Variants in SLC24A4 observed in about 807,000 individuals in gnomAD.
The protein encoded by SLC24A4 is solute carrier family 24 member 4, also known as sodium/potassium/calcium exchanger 4.
Under a neutral mutation model 79.0 loss-of-function variants are expected in SLC24A4, and 53 were observed. That is an observed-to-expected ratio of 0.67 (90% CI 0.54 to 0.84). The LOEUF (loss-of-function observed/expected upper bound fraction) is 0.84, where lower values mean the gene tolerates loss of function less well. Among genes scored for constraint, SLC24A4 ranks in the 40% least tolerant of loss-of-function variants. The pLI is 0.00. For synonymous variants in SLC24A4, 323 were observed against 323.8 expected (o/e 1.00, Z 0.03); for missense variants, 731 against 822.0 (o/e 0.89, Z 1.35).
At chr14:92,429,148 C>T (rs1310986667) in intron 2 of SLC24A4, among the ~76,000 whole-genome samples, 2 of 152,082 alleles carry the variant, frequency 1.3e-5, no homozygotes, top group African/African-American at 4.8e-5. Flanking sequence ...CCACGTGTCT[C>T]GGTGCATTCA....
rs140536494 is a variant in SLC24A4 at position 92,442,799 on chromosome 14, G to T, written c.565G>T (p.Gly189Ter). The change falls in exon 6 of 17, where the codon GGA becomes TGA. Residue 189 changes from glycine (G) to a stop codon, truncating the protein, a stop_gained. Coordinates refer to ENST00000532405, the MANE Select transcript of SLC24A4 (RefSeq NM_153646.4). LOFTEE classifies it high-confidence loss of function. ...CATCCTGTGCATAATTGGAGTGTGCGGACTGTTTGCTGGCCAGGTCAGTGG... is the reference window on the plus strand; with the variant it reads ...CATCCTGTGCATAATTGGAGTGTGCTGACTGTTTGCTGGCCAGGTCAGTGG... Reference protein sequence around the residue: ...FNILCIIGVCGLFAGQVVRLT... With the variant: ...FNILCIIGVC 1.6e-5 allele frequency: 26 copies of T among 1,614,054 alleles called. No individual in the cohort carries two copies. The highest frequency in any genetic ancestry group is 2.1e-5 in the Non-Finnish European group (25 of 1,179,918).
chr14:92,418,977 C>T (rs781420458), intron 2 of SLC24A4, among the ~76,000 whole-genome samples: 13 of 152,198 alleles, frequency 8.5e-5, no homozygotes, highest in Non-Finnish European at 1.9e-4. Flanking sequence ...GCTGGGATTA[C>T]AGGCATGAGC....
chr14:92,442,995 T>C (rs1253925842), intron 6 of SLC24A4, among the ~76,000 whole-genome samples, 179 bp downstream of exon 6: 1 of 152,192 alleles, frequency 6.6e-6, no homozygotes, highest in African/African-American at 2.4e-5. Flanking sequence ...TGGATTGTCA[T>C]TGATACCCCA....
In SLC24A4 at chr14:92,429,658, G is replaced by A. The variant is rs1463928596; in HGVS notation, c.242-4254G>A. ...ACAGAGGGCCTGCTCCTGGATGGAG[G>A]AGACCTTAGTCCTGAGATGTGCATC... On this transcript the variant is annotated intron_variant, in intron 2 of 16. Coordinates refer to ENST00000532405, the MANE Select transcript of SLC24A4 (RefSeq NM_153646.4). Among the ~76,000 whole-genome samples the A allele has an allele frequency of 3.3e-5, 5 of 152,180 alleles. No individual in the cohort carries two copies. In the East Asian group the frequency reaches 7.7e-4, roughly 23 times the overall value.
intron 4 of SLC24A4, among the ~76,000 whole-genome samples, chr14:92,440,247 C>G (rs1030352885): frequency 1.3e-5 from 2 of 152,106 alleles, no homozygotes; most frequent in African/African-American, 4.8e-5. Context: ...GCAAAGGCCT[C>G]CCCTTACCCC....
intron 2 of SLC24A4, among the ~76,000 whole-genome samples, chr14:92,395,432 A>AACACACAC (rs60360408): frequency 0.011 from 1,560 of 144,888 alleles, 15 homozygotes; most frequent in African/African-American, 0.027. Flanking sequence ...AACAAAACAA[A>AACACACAC]ACACACACAC....
chr14:92,489,189 GCA>G (rs1354712643), intron 14 of SLC24A4, among the ~76,000 whole-genome samples: 1 of 152,076 alleles, frequency 6.6e-6, no homozygotes. Flanking sequence ...TGTAATCCCA[GCA>G]CTTTGGGAGG....
chr14:92,467,140 T>C (rs1048631405), intron 12 of SLC24A4, among the ~76,000 whole-genome samples: 1 of 152,236 alleles, frequency 6.6e-6, no homozygotes, highest in Non-Finnish European at 1.5e-5. Flanking sequence ...ACTAATCTTA[T>C]GTGAGATTTT....
In SLC24A4 at chr14:92,415,867, TCA is replaced by T. The variant is rs539389609; in HGVS notation, c.242-18043_242-18042del. Among the ~76,000 whole-genome samples the T allele has an allele frequency of 7.8e-4, 119 of 152,204 alleles. 1 individual carries two copies. The highest frequency in any genetic ancestry group is 2.8e-3 in the African/African-American group (117 of 41,532). On this transcript the variant is annotated intron_variant, in intron 2 of 16. Coordinates refer to ENST00000532405, the MANE Select transcript of SLC24A4 (RefSeq NM_153646.4). ...GATTTGTGAGGTTTGGGTGCACCCA[TCA>T]CCCAAGCAGTACACACTGAACCCGA...
chr14:92,448,525 G>T (rs1488455346), intron 9 of SLC24A4, among the ~76,000 whole-genome samples: 1 of 152,160 alleles, frequency 6.6e-6, no homozygotes, highest in Non-Finnish European at 1.5e-5. Context: ...ATAAAGATGG[G>T]TGATAAACTA....
At chr14:92,367,015 T>C (rs914288337) in intron 2 of SLC24A4, among the ~76,000 whole-genome samples, 1 of 152,066 alleles carries the variant, frequency 6.6e-6, no homozygotes, top group Non-Finnish European at 1.5e-5. Context: ...CTGCACAGCT[T>C]TGGGGTGGGA....
chr14:92,433,226 C>T (rs766974259), intron 2 of SLC24A4, among the ~76,000 whole-genome samples: 6 of 152,118 alleles, frequency 3.9e-5, no homozygotes, highest in Non-Finnish European at 5.9e-5. Context: ...CGTTCATGAG[C>T]GTGCTTATCT....
intron 14 of SLC24A4, among the ~76,000 whole-genome samples, chr14:92,488,399 G>A (rs1895495764): frequency 6.6e-6 from 1 of 152,164 alleles, no homozygotes; most frequent in Non-Finnish European, 1.5e-5. Flanking sequence ...AAGGAGACCA[G>A]TCATCAGATT....
intron 2 of SLC24A4, among the ~76,000 whole-genome samples, chr14:92,371,834 C>G (rs873494): frequency 0.77 from 117,137 of 152,232 alleles, 48,700 homozygotes; most frequent in East Asian, 0.95. Context: ...TAGGTCTGTT[C>G]CATGGGTGGC....
At chr14:92,439,311 G>T (rs1892360322) in intron 3 of SLC24A4, 24 bp from the exon 4 acceptor site, 1 of 1,606,922 alleles carries the variant, frequency 6.2e-7, no homozygotes, top group Non-Finnish European at 8.5e-7. Context: ...CACCGACCCT[G>T]CCTGTCTCCT....
Position 92,441,323 on chromosome 14 carries a change from G to A in SLC24A4, c.394-766G>A, listed in dbSNP as rs142736158. On this transcript the variant is annotated intron_variant, in intron 4 of 16. Coordinates refer to ENST00000532405, the MANE Select transcript of SLC24A4 (RefSeq NM_153646.4). This position sits in a 1 kb window ranked among gnomAD's most constrained non-coding sequence, Gnocchi z 4.6. ...CCAAAGCCTCCAGCGCTGCATTTCG[G>A]ATCAGAGGATGGGCTCTGTGGCCAG... is the stretch of plus-strand genomic sequence containing the variant. 6.7e-3 allele frequency among the ~76,000 whole-genome samples: 1,020 copies of A among 152,280 alleles called. 12 individuals carry two copies. The highest frequency in any genetic ancestry group is 0.023 in the African/African-American group (937 of 41,552).
intron 10 of SLC24A4, among the ~76,000 whole-genome samples, chr14:92,449,735 C>A (rs1893029319): frequency 6.6e-6 from 1 of 152,244 alleles, no homozygotes; most frequent in Non-Finnish European, 1.5e-5. Context: ...GAAAGGCAGA[C>A]ATGAAGCTGA....
chr14:92,439,430 A>T lies in SLC24A4; in HGVS notation c.393+21A>T, dbSNP rs1262966277. 3 of 1,606,388 alleles carry T rather than the reference A, an allele frequency of 1.9e-6. No individual in the cohort carries two copies. The Admixed American group carries it at 5.0e-5, about 27-fold the overall frequency. The stretch of plus-strand genomic sequence containing the variant: ...GTGAGGTATGTGGAAGGGACTTGGG[A>T]CACCTTGGTGAAGCCTTGAAGACAT... On this transcript the variant is annotated intron_variant, in intron 4 of 16. Coordinates refer to ENST00000532405, the MANE Select transcript of SLC24A4 (RefSeq NM_153646.4).
intron 12 of SLC24A4, among the ~76,000 whole-genome samples, chr14:92,471,208 G>A (rs754102325): frequency 2.0e-5 from 3 of 152,168 alleles, no homozygotes. Context: ...ATACTCAGCT[G>A]GTGGCTTTTG....
Sources: allele counts gnomAD v4.1 joint callset (sites outside exome capture counted in the v4.1 genomes callset), GRCh38; gene constraint gnomAD v4.1.1; non-coding constraint Gnocchi (gnomAD v3.1); transcripts MANE v1.5; gene names NCBI Gene and HGNC (gene_info 2026-07-23, HGNC 2026-07-21).